Variants in PPP3CA observed in about 807,000 individuals in gnomAD.
The protein encoded by PPP3CA is CAM-PRP catalytic subunit.
PPP3CA carries 14 observed loss-of-function variants against 66.5 expected under a neutral mutation model. The observed-to-expected ratio is 0.21, with a 90% confidence interval of 0.14 to 0.33. The LOEUF (loss-of-function observed/expected upper bound fraction) is 0.33, where lower values mean the gene tolerates loss of function less well. PPP3CA is among the 10% of genes least tolerant of loss of function. PPP3CA has a pLI of 1.00. For synonymous variants in PPP3CA, 232 were observed against 226.2 expected (o/e 1.03, Z -0.23); for missense variants, 317 against 639.5 (o/e 0.50, Z 5.44).
intron 2 of PPP3CA, among the ~76,000 whole-genome samples, chr4:101,184,713 G>A (rs972589438): frequency 1.3e-5 from 2 of 151,950 alleles, no homozygotes; most frequent in Admixed American, 6.6e-5. Flanking sequence ...TCTAACTTTG[G>A]GAATAGCAAC....
chr4:101,188,476 T>C (rs1344566584), intron 2 of PPP3CA, among the ~76,000 whole-genome samples: 1 of 152,176 alleles, frequency 6.6e-6, no homozygotes, highest in Non-Finnish European at 1.5e-5. Flanking sequence ...CATTGTATAA[T>C]CAGTATAATC....
At chr4:101,344,220 A>G (rs1729907471) in intron 1 of PPP3CA, among the ~76,000 whole-genome samples, 1 of 152,190 alleles carries the variant, frequency 6.6e-6, no homozygotes, top group Non-Finnish European at 1.5e-5. Flanking sequence ...AATATGTTTC[A>G]CATCCAGCAT....
rs1726799913 is a variant in PPP3CA at position 101,029,099 on chromosome 4, A to G, written c.1369+67T>C. 8.1e-6 allele frequency: 12 copies of G among 1,475,370 alleles called. No individual in the cohort carries two copies. The East Asian group carries it at 2.5e-4, about 31-fold the overall frequency. The allele number at this position is 1,475,370 out of a possible 1,614,324, so 91.4% of individuals were successfully genotyped here. A position where few individuals can be genotyped will look rare whatever the true frequency, so the allele number is the denominator to read the frequency against. On this transcript the variant is annotated intron_variant, in intron 13 of 13. Coordinates refer to ENST00000394854, the MANE Select transcript of PPP3CA (RefSeq NM_000944.5). ...ACACTCTGTACAAGCTACAGCAAAAAAATGAATACACCCAGCAGAGCCCTT... is the reference window on the plus strand; with the variant it reads ...ACACTCTGTACAAGCTACAGCAAAAGAATGAATACACCCAGCAGAGCCCTT...
intron 2 of PPP3CA, among the ~76,000 whole-genome samples, chr4:101,149,590 A>C (rs920275205): frequency 2.6e-5 from 4 of 152,094 alleles, no homozygotes; most frequent in Admixed American, 2.6e-4. Flanking sequence ...GGTACTAAAA[A>C]TCCAACATTA....
At chr4:101,048,025 T>G (rs62305884) in intron 10 of PPP3CA, among the ~76,000 whole-genome samples, 4 of 151,976 alleles carry the variant, frequency 2.6e-5, no homozygotes, top group Admixed American at 2.6e-4. Flanking sequence ...CATTGCTCCC[T>G]TGATTAAGGA....
At chr4:101,156,413 G>T (rs1723321027) in intron 2 of PPP3CA, among the ~76,000 whole-genome samples, 1 of 152,208 alleles carries the variant, frequency 6.6e-6, no homozygotes, top group Admixed American at 6.5e-5. Flanking sequence ...AGGCAAAGTG[G>T]CTCCCGCCTG....
At chr4:101,048,912 T>A (rs529618516) in intron 10 of PPP3CA, among the ~76,000 whole-genome samples, 4 of 152,270 alleles carry the variant, frequency 2.6e-5, no homozygotes, top group South Asian at 2.1e-4. Flanking sequence ...GTAATTTTTT[T>A]TAAAAAAGTT....
At chr4:101,273,146 T>C (rs1404373089) in intron 1 of PPP3CA, among the ~76,000 whole-genome samples, 1 of 152,234 alleles carries the variant, frequency 6.6e-6, no homozygotes, top group Non-Finnish European at 1.5e-5. Context: ...AGATATTGTT[T>C]TGAGAATACA....
At chr4:101,079,062 T>C (rs1230649699) in intron 8 of PPP3CA, among the ~76,000 whole-genome samples, 3 of 152,170 alleles carry the variant, frequency 2.0e-5, no homozygotes, top group Non-Finnish European at 2.9e-5. Flanking sequence ...AAAGACCGTA[T>C]GGCAACAGCA....
chr4:101,051,272 T>C (rs1165751512), intron 10 of PPP3CA, among the ~76,000 whole-genome samples: 1 of 152,108 alleles, frequency 6.6e-6, no homozygotes, highest in Non-Finnish European at 1.5e-5. Flanking sequence ...TTAAATTTTG[T>C]GGACATTTAT....
intron 1 of PPP3CA, among the ~76,000 whole-genome samples, chr4:101,212,309 C>T (rs1725321962): frequency 6.6e-6 from 1 of 152,120 alleles, no homozygotes; most frequent in Non-Finnish European, 1.5e-5. Flanking sequence ...ATGTCCTTTG[C>T]AGGAACATGG....
At chr4:101,190,525 T>C (rs1287944143) in intron 2 of PPP3CA, among the ~76,000 whole-genome samples, 1 of 152,172 alleles carries the variant, frequency 6.6e-6, no homozygotes, top group African/African-American at 2.4e-5. Flanking sequence ...AATAGAGTAT[T>C]ACTGATTCGT....
intron 2 of PPP3CA, chr4:101,158,032 G>C (rs911480651): frequency 1.3e-5 from 2 of 152,016 alleles, no homozygotes; most frequent in Non-Finnish European, 2.9e-5. Flanking sequence ...ACAGAGAAAG[G>C]CTACTGATAA....
At chr4:101,138,010 C>T (rs1465132908) in intron 2 of PPP3CA, among the ~76,000 whole-genome samples, 1 of 152,100 alleles carries the variant, frequency 6.6e-6, no homozygotes, top group Non-Finnish European at 1.5e-5. Flanking sequence ...GTTGTATTTC[C>T]ATATCTGTAA....
At chr4:101,261,055 C>T (rs955160542) in intron 1 of PPP3CA, among the ~76,000 whole-genome samples, 1 of 152,110 alleles carries the variant, frequency 6.6e-6, no homozygotes, top group Non-Finnish European at 1.5e-5. Context: ...GTAACATCAT[C>T]ACTAACTTCT....
At chr4:101,204,358 C>T (rs1320677559) in intron 1 of PPP3CA, among the ~76,000 whole-genome samples, 1 of 151,938 alleles carries the variant, frequency 6.6e-6, no homozygotes, top group Non-Finnish European at 1.5e-5. Flanking sequence ...ACAAGTAGGC[C>T]GGGCTCAGTG....
At chr4:101,277,867 A>G (rs1294631449) in intron 1 of PPP3CA, among the ~76,000 whole-genome samples, 40 of 152,190 alleles carry the variant, frequency 2.6e-4, no homozygotes, top group African/African-American at 2.4e-5. Context: ...AATGTTCTTT[A>G]GAAGAAAATT....
chr4:101,239,875 AC>A (rs1246876418), intron 1 of PPP3CA, among the ~76,000 whole-genome samples: 2 of 152,022 alleles, frequency 1.3e-5, no homozygotes, highest in Admixed American at 1.3e-4. Context: ...TTTAGATACA[AC>A]AACAGTTAAA....
At chr4:101,191,540 G>C (rs889186544) in intron 2 of PPP3CA, among the ~76,000 whole-genome samples, 1 of 152,146 alleles carries the variant, frequency 6.6e-6, no homozygotes, top group African/African-American at 2.4e-5. Flanking sequence ...AGGCCCTAAA[G>C]ATTTGGCCAC....
Sources: gnomAD v4.1 joint callset for allele counts (sites outside exome capture counted in the v4.1 genomes callset) on GRCh38, gnomAD v4.1.1 for gene constraint, MANE v1.5 for transcripts, NCBI Gene and HGNC (gene_info 2026-07-23, HGNC 2026-07-21) for gene names.